Variants in SUZ12 observed in about 807,000 individuals in gnomAD.
The protein encoded by SUZ12 is SUZ12 polycomb repressive complex 2 subunit.
Under a neutral mutation model 87.3 loss-of-function variants are expected in SUZ12, and 17 were observed. The observed-to-expected ratio is 0.19, with a 90% CI of 0.13 to 0.29. SUZ12 has a LOEUF of 0.29. Among genes scored for constraint, SUZ12 ranks in the 10% least tolerant of loss-of-function variants. The pLI is 1.00. For missense variants in SUZ12, 526 were observed against 912.2 expected (o/e 0.58, Z 5.45); for synonymous variants, 253 against 312.4 (o/e 0.81, Z 2.01).
chr17:31,986,305 T>A (rs1428574263), intron 9 of SUZ12, among the ~76,000 whole-genome samples: 1 of 152,214 alleles, frequency 6.6e-6, no homozygotes, highest in Non-Finnish European at 1.5e-5. Context: ...TAGATTTACT[T>A]CTTTTTAAAA....
At chr17:31,938,305 C>G (rs1270706522) in intron 1 of SUZ12, among the ~76,000 whole-genome samples, 2 of 152,148 alleles carry the variant, frequency 1.3e-5, no homozygotes, top group Non-Finnish European at 2.9e-5. Flanking sequence ...ATGTTATATC[C>G]TGATTGGTTC....
intron 14 of SUZ12, 132 bp from the exon 15 acceptor site, chr17:31,996,666 A>G: frequency 1.8e-6 from 1 of 556,316 alleles, no homozygotes; most frequent in Non-Finnish European, 3.1e-6. Flanking sequence ...ATAGAAGTTA[A>G]TTTTAAGAAA....
At chr17:31,950,843 G>A (rs1408733805) in intron 4 of SUZ12, among the ~76,000 whole-genome samples, 2 of 151,462 alleles carry the variant, frequency 1.3e-5, no homozygotes, top group Admixed American at 1.3e-4. Flanking sequence ...GCAGTGACGC[G>A]ATCTCAGCTC....
chr17:31,953,711 A>ATTTTTT (rs756892113), intron 4 of SUZ12, among the ~76,000 whole-genome samples: 1 of 131,760 alleles, frequency 7.6e-6, no homozygotes, highest in African/African-American at 2.9e-5. Flanking sequence ...CCCAGCCTCA[A>ATTTTTT]TTTTTTTTTT....
chr17:31,999,010 C>A lies in SUZ12; in HGVS notation c.*7C>A. 1 of 1,525,262 alleles carries A rather than the reference C, an allele frequency of 6.6e-7. No homozygotes were observed. The highest frequency in any genetic ancestry group is 1.3e-5 in the South Asian group (1 of 75,332). The allele number at this position is 1,525,262 out of a possible 1,614,324, so 94.5% of individuals were successfully genotyped here. A position where few individuals can be genotyped will look rare whatever the true frequency, so the allele number is the denominator to read the frequency against. ...CAAAAAACAAAAACTCTGAAAAGCT[C>A]TAACCCCATGTTATGGACAAACACT... On this transcript the variant is annotated 3_prime_UTR_variant, in exon 16 of 16. Transcript: ENST00000322652.
At chr17:31,985,957 G>A (rs1033578289) in intron 9 of SUZ12, among the ~76,000 whole-genome samples, 5 of 149,150 alleles carry the variant, frequency 3.4e-5, no homozygotes, top group African/African-American at 9.7e-5. Flanking sequence ...GACCGTGCCC[G>A]GCCTGGCCTT....
chr17:31,940,143 G>A, intron 1 of SUZ12, 143 bp from the exon 2 acceptor site: 1 of 1,275,722 alleles, frequency 7.8e-7, no homozygotes, highest in Non-Finnish European at 1.1e-6. Flanking sequence ...ATACTTTCTT[G>A]ATGTAAATAT....
chr17:31,993,939 C>G lies in SUZ12; in HGVS notation c.1368C>G (p.Asn456Lys). 1 of 1,613,766 alleles carries G rather than the reference C, an allele frequency of 6.2e-7. No individual in the cohort carries two copies. The highest frequency in any genetic ancestry group is 8.5e-7 in the Non-Finnish European group (1 of 1,179,934). The stretch of plus-strand genomic sequence containing the variant: ...TGCATTGCCCTTGGTGTACTCTGAA[C>G]TGCCGCAAACTTTATAGTTTACTCA... ...DDLHCPWCTLNCRKLYSLLKH... is the reference protein window; with the variant it reads ...DDLHCPWCTLKCRKLYSLLKH... Residue 456 changes from asparagine (N) to lysine (K), a missense_variant, in exon 12 of 16, where the codon AAC (asparagine) becomes AAG (lysine). Asn to Lys is a moderately conservative substitution (Grantham distance 94, BLOSUM62 0). This residue lies in a region of SUZ12 where 143 missense variants were observed against 321.6 expected (regional missense o/e 0.44). Coordinates refer to ENST00000322652, the MANE Select transcript of SUZ12 (RefSeq NM_015355.4).
Position 31,999,551 on chromosome 17 carries a change from A to G in SUZ12, c.*548A>G, listed in dbSNP as rs1910152842. 1 of 231,050 alleles carries G rather than the reference A, an allele frequency of 4.3e-6. No homozygotes were observed. Among genetic ancestry groups the G allele is most frequent in the Non-Finnish European group, 8.6e-6 (1 of 116,746 alleles). The allele number at this position is 231,050 out of a possible 1,614,324, so 14.3% of individuals were successfully genotyped here. A position where few individuals can be genotyped will look rare whatever the true frequency, so the allele number is the denominator to read the frequency against. On this transcript the variant is annotated 3_prime_UTR_variant, in exon 16 of 16. Coordinates refer to ENST00000322652, the MANE Select transcript of SUZ12 (RefSeq NM_015355.4). ...TTTTGAAATCATTTGTCAATTCGGA[A>G]TGAAAAATTATAATGTAATTTTACA...
chr17:31,974,068 C>G lies in SUZ12; in HGVS notation c.591+837C>G, dbSNP rs1289435762. On this transcript the variant is annotated intron_variant, in intron 6 of 15. Coordinates refer to ENST00000322652, the MANE Select transcript of SUZ12 (RefSeq NM_015355.4). ...TGAAACCCTGTCTCTACCAAAAATA[C>G]AAAAATGAGCTAGGCATGATGGCCT... Among the ~76,000 whole-genome samples the G allele has an allele frequency of 2.6e-5, 4 of 152,172 alleles. No individual in the cohort carries two copies. The East Asian group carries it at 7.7e-4, about 29-fold the overall frequency.
At chr17:31,960,170 G>A (rs555842563) in intron 4 of SUZ12, among the ~76,000 whole-genome samples, 1 of 152,166 alleles carries the variant, frequency 6.6e-6, no homozygotes, top group South Asian at 2.1e-4. Flanking sequence ...ACCACCTATG[G>A]AAGGGATCAT....
chr17:31,988,533 G>C (rs550526415), intron 10 of SUZ12, 36 bp downstream of exon 10: 7 of 1,546,516 alleles, frequency 4.5e-6, no homozygotes, highest in Non-Finnish European at 5.2e-6. Flanking sequence ...ATAAAATAAT[G>C]GTTTGCAGAG....
At position 31,993,353 on chromosome 17, in the gene SUZ12, C is replaced by T; in HGVS notation, c.1293+20C>T. ...TATCAGGTAAACATAGCTGACCCTT[C>T]TTAAAGTAATTATGAAATGTATTTG... On this transcript the variant is annotated intron_variant, in intron 11 of 15. Coordinates refer to ENST00000322652, the MANE Select transcript of SUZ12 (RefSeq NM_015355.4). The T allele has an allele frequency of 7.0e-7, 1 of 1,421,474 alleles. No individual in the cohort carries two copies. The highest frequency in any genetic ancestry group is 9.7e-7 in the Non-Finnish European group (1 of 1,032,502). 88.1% of individuals were successfully genotyped at this position (1,421,474 alleles called of 1,614,324 possible). A position where few individuals can be genotyped will look rare whatever the true frequency, so the allele number is the denominator to read the frequency against.
At chr17:31,985,336 A>G (rs535686231) in intron 9 of SUZ12, among the ~76,000 whole-genome samples, 84 of 152,018 alleles carry the variant, frequency 5.5e-4, no homozygotes, top group African/African-American at 2.0e-3. Context: ...CATTTTTTAA[A>G]TAATGAAACA....
At chr17:31,996,381 G>A (rs1013326531) in intron 14 of SUZ12, among the ~76,000 whole-genome samples, 6 of 152,152 alleles carry the variant, frequency 3.9e-5, no homozygotes, top group African/African-American at 1.2e-4. Context: ...TTGGTAGGGC[G>A]AGTTGGGCTG....
chr17:31,981,669 A>G (rs1357743835), intron 8 of SUZ12, among the ~76,000 whole-genome samples: 2 of 152,352 alleles, frequency 1.3e-5, no homozygotes, highest in Admixed American at 1.3e-4. Context: ...AAATTTAAGT[A>G]GTACAGCATA....
chr17:31,942,733 G>C (rs1318382565), intron 3 of SUZ12, among the ~76,000 whole-genome samples: 2 of 152,174 alleles, frequency 1.3e-5, no homozygotes, highest in African/African-American at 4.8e-5. Context: ...ATTTTAAAGT[G>C]GGGTCTGGAG....
intron 14 of SUZ12, 43 bp downstream of exon 14, chr17:31,995,805 T>C (rs1598191267): frequency 1.4e-5 from 20 of 1,468,080 alleles, no homozygotes; most frequent in Middle Eastern, 1.7e-4. Flanking sequence ...TGGAATATTA[T>C]TTTGTTTTGA....
At chr17:31,987,438 T>C (rs1909475852) in intron 9 of SUZ12, among the ~76,000 whole-genome samples, 1 of 152,098 alleles carries the variant, frequency 6.6e-6, no homozygotes, top group African/African-American at 2.4e-5. Context: ...GTCAGATGGC[T>C]AAAAGTTAGC....
Sources: gnomAD v4.1 joint callset for allele counts (sites outside exome capture counted in the v4.1 genomes callset) on GRCh38, gnomAD v4.1.1 for gene constraint, gnomAD v4.1.1 regional missense constraint, MANE v1.5 for transcripts, NCBI Gene and HGNC (gene_info 2026-07-23, HGNC 2026-07-21) for gene names.